Variants in MAN2A1 observed in about 807,000 individuals in gnomAD.
The protein encoded by MAN2A1 is alpha-mannosidase 2.
Under a neutral mutation model 142.6 loss-of-function variants are expected in MAN2A1, and 76 were observed. That is an observed-to-expected ratio of 0.53 (90% CI 0.44 to 0.65). MAN2A1 has a LOEUF of 0.65. Ranked by LOEUF, MAN2A1 falls within the 30% of genes least tolerant of loss-of-function variation. MAN2A1 has a pLI of 0.00. For synonymous variants in MAN2A1, 559 were observed against 473.2 expected, an observed-to-expected ratio of 1.18 and a Z score of -2.35; for missense variants, 1,311 against 1,365.1, an observed-to-expected ratio of 0.96 and a Z score of 0.62.
intron 19 of MAN2A1, 74 bp downstream of exon 19, chr5:109,847,864 A>G: frequency 4.2e-6 from 5 of 1,195,284 alleles, no homozygotes; most frequent in African/African-American, 1.6e-5. Flanking sequence ...ATGACTTTCC[A>G]CTTTTAAAAT....
At chr5:109,829,305 C>T (rs941971071) in intron 16 of MAN2A1, among the ~76,000 whole-genome samples, 17 of 152,218 alleles carry the variant, frequency 1.1e-4, no homozygotes, top group Non-Finnish European at 2.2e-4. Context: ...TCCATTCAAA[C>T]TGTCACAAAA....
chr5:109,726,906 T>C (rs73217355), intron 3 of MAN2A1, among the ~76,000 whole-genome samples: 1 of 152,162 alleles, frequency 6.6e-6, no homozygotes, highest in Non-Finnish European at 1.5e-5. Context: ...GTAAAAGATA[T>C]CATGTGATAT....
chr5:109,818,143 A>G (rs1472394463), intron 13 of MAN2A1, among the ~76,000 whole-genome samples: 1 of 151,860 alleles, frequency 6.6e-6, no homozygotes, highest in African/African-American at 2.4e-5. Context: ...TTTTATTATT[A>G]TTATTATTAT....
chr5:109,718,301 G>A (rs770115844), intron 3 of MAN2A1, among the ~76,000 whole-genome samples: 5 of 151,884 alleles, frequency 3.3e-5, no homozygotes, highest in Non-Finnish European at 7.4e-5. Flanking sequence ...TCCTTTTTCT[G>A]CAACTTTTAA....
At chr5:109,723,751 G>A (rs1341965899) in intron 3 of MAN2A1, among the ~76,000 whole-genome samples, 1 of 152,104 alleles carries the variant, frequency 6.6e-6, no homozygotes, top group Non-Finnish European at 1.5e-5. Flanking sequence ...TTTGCATCAT[G>A]TACCCTGCAA....
At chr5:109,833,689 TGGGGAG>T (rs931621315) in intron 16 of MAN2A1, among the ~76,000 whole-genome samples, 29 of 11,856 alleles carry the variant, frequency 2.4e-3, no homozygotes, top group South Asian at 5.2e-3. Flanking sequence ...AGGGAGACTG[TGGGGAG>T]GGGGAGGGGG....
intron 7 of MAN2A1, 84 bp from the exon 8 acceptor site, chr5:109,774,704 A>T (rs1753235084): frequency 1.0e-6 from 1 of 986,768 alleles, no homozygotes; most frequent in Admixed American, 2.7e-5. Flanking sequence ...GAATTTGGTT[A>T]TTTCCTTTTT....
Position 109,774,799 on chromosome 5 carries a change from T to C in MAN2A1, c.1208T>C (p.Leu403Pro). 6.2e-7 allele frequency: 1 copy of C among 1,611,576 alleles called. No individual in the cohort carries two copies. Among genetic ancestry groups the C allele is most frequent in the Non-Finnish European group, 8.5e-7 (1 of 1,179,216 alleles). Residue 403 changes from leucine (L) to proline (P), a missense_variant, in exon 8 of 22, where the codon CTA becomes CCA. Physicochemically the swap from Leu to Pro is moderately conservative, Grantham distance 98 (BLOSUM62 -3). Around this residue, in one of 3 missense-constraint regions of MAN2A1, gnomAD observed 890 missense variants for 920.5 expected, o/e 0.97. Coordinates refer to ENST00000261483, the MANE Select transcript of MAN2A1 (RefSeq NM_002372.4). ...TGTTTTTTTTGTAGGGCTCGGATGC[T>C]ACTAGATCAGTACCGAAAGAAGTCA... ...PGNVQSRARM[L>P]LDQYRKKSKL...
chr5:109,767,738 A>G (rs763500645), intron 6 of MAN2A1, 30 bp downstream of exon 6: 2 of 1,588,910 alleles, frequency 1.3e-6, no homozygotes, highest in Non-Finnish European at 1.7e-6. Flanking sequence ...AGTTGATCCC[A>G]TTTGGCCTAG....
At chr5:109,748,815 A>G (rs1752472894) in intron 4 of MAN2A1, among the ~76,000 whole-genome samples, 1 of 151,906 alleles carries the variant, frequency 6.6e-6, no homozygotes, top group Non-Finnish European at 1.5e-5. Flanking sequence ...TTCCTCATAC[A>G]CTAATCTGTA....
chr5:109,782,206 T>A (rs1213537968), intron 9 of MAN2A1, among the ~76,000 whole-genome samples: 1 of 152,084 alleles, frequency 6.6e-6, no homozygotes, highest in African/African-American at 2.4e-5. Context: ...TGTAAATGGA[T>A]ACAGAGAAGA....
chr5:109,822,235 A>C (rs1754645851), intron 15 of MAN2A1, among the ~76,000 whole-genome samples: 1 of 151,002 alleles, frequency 6.6e-6, no homozygotes, highest in African/African-American at 2.4e-5. Context: ...GAGGCATTCC[A>C]GGATGGGCAG....
At chr5:109,864,750 T>G (rs1490475990) in intron 20 of MAN2A1, 3 of 334,730 alleles carry the variant, frequency 9.0e-6, no homozygotes, top group Non-Finnish European at 1.7e-5. Context: ...ATATAATGTA[T>G]GGACATAAGG....
intron 17 of MAN2A1, 55 bp downstream of exon 17, chr5:109,842,516 TATATA>T (rs1554082979): frequency 4.5e-6 from 5 of 1,119,938 alleles, no homozygotes; most frequent in Non-Finnish European, 6.3e-6. Flanking sequence ...GTAATTCTTA[TATATA>T]ACAATGGCCC....
chr5:109,789,632 A>G (rs776964972), intron 12 of MAN2A1, 105 bp downstream of exon 12: 9 of 736,064 alleles, frequency 1.2e-5, no homozygotes, highest in East Asian at 2.9e-5. Flanking sequence ...CAATCAATTT[A>G]TTAATTAAAA....
In MAN2A1 at chr5:109,795,272, G is replaced by A. The variant is rs568450380; in HGVS notation, c.1943+5745G>A. Among the ~76,000 whole-genome samples, 3 of 152,146 alleles carry A rather than the reference G, an allele frequency of 2.0e-5. No individual in the cohort carries two copies. In the East Asian group the frequency reaches 5.8e-4, roughly 29 times the overall value. On this transcript the variant is annotated intron_variant, in intron 12 of 21. Transcript: ENST00000261483. Reference sequence around the variant, plus strand: ...AATGAGGAGAAAAGGCTCCACCTTTGTTCCAGTCCCTCCCACCCTTAGCAT... The same window carrying A: ...AATGAGGAGAAAAGGCTCCACCTTTATTCCAGTCCCTCCCACCCTTAGCAT...
chr5:109,763,873 C>T (rs1752920687), intron 5 of MAN2A1, among the ~76,000 whole-genome samples: 1 of 151,836 alleles, frequency 6.6e-6, no homozygotes, highest in Non-Finnish European at 1.5e-5. Context: ...GCCATCTCAG[C>T]TTACTGCAAC....
chr5:109,865,135 A>C lies in MAN2A1; in HGVS notation c.3271A>C (p.Thr1091Pro). The change falls in exon 21 of 22, where the codon ACT becomes CCT. Residue 1091 changes from threonine to proline, a missense_variant. Physicochemically the swap from Thr to Pro is conservative, Grantham distance 38 (BLOSUM62 -1). Transcript: ENST00000261483. ...AGGCACAGGGCTGTTTTGTTCTACT[A>C]CTCAGGGAAAGGTAAGTTGAAAAGG... ...SKGTGLFCST[T>P]QGKILVQKLL... The C allele has an allele frequency of 6.2e-7, 1 of 1,612,606 alleles. No homozygotes were observed. The highest frequency in any genetic ancestry group is 8.5e-7 in the Non-Finnish European group (1 of 1,178,736).
intron 1 of MAN2A1, among the ~76,000 whole-genome samples, chr5:109,708,932 C>T (rs1251885825): frequency 4.6e-5 from 7 of 152,188 alleles, no homozygotes; most frequent in Non-Finnish European, 1.5e-5. Context: ...CCACTTAGTC[C>T]ACTCACACAC....
Sources: gnomAD v4.1 joint callset for allele counts (sites outside exome capture counted in the v4.1 genomes callset) on GRCh38, gnomAD v4.1.1 for gene constraint, gnomAD v4.1.1 regional missense constraint, MANE v1.5 for transcripts, NCBI Gene and HGNC (gene_info 2026-07-23, HGNC 2026-07-21) for gene names.